The following MARCHF1 variants were observed in gnomAD, a reference collection of about 807,000 sequenced individuals.
MARCHF1 encodes membrane associated ring-CH-type finger 1, also known as E3 ubiquitin-protein ligase MARCHF1.
A neutral mutation model predicts 54.2 loss-of-function variants in MARCHF1; 40 were observed. The ratio of observed to expected loss-of-function variants is 0.74; its 90% CI spans 0.57 to 0.96. The LOEUF (loss-of-function observed/expected upper bound fraction) is 0.96, where lower values mean the gene tolerates loss of function less well. MARCHF1 is among the 40% of genes least tolerant of loss of function. The pLI, the probability that MARCHF1 is intolerant of heterozygous loss-of-function variation, is 0.00. For synonymous variants in MARCHF1, 236 were observed against 236.3 expected, an observed-to-expected ratio of 1.00 and a Z score of 0.01; for missense variants, 586 against 656.5, an observed-to-expected ratio of 0.89 and a Z score of 1.17.
chr4:164,097,123 G>C (rs1755432861), intron 2 of MARCHF1, among the ~76,000 whole-genome samples: 1 of 152,136 alleles, frequency 6.6e-6, no homozygotes, highest in Non-Finnish European at 1.5e-5. Context: ...ACATTATTTA[G>C]TATGTAATGC....
chr4:163,733,219 ATACACGTG>A (rs1161449389), intron 4 of MARCHF1, among the ~76,000 whole-genome samples: 1 of 29,804 alleles, frequency 3.4e-5, no homozygotes, highest in African/African-American at 7.1e-5. Context: ...ATATATATAT[ATACACGTG>A]TATATATATA....
chr4:164,289,590 A>G (rs1223178497), intron 1 of MARCHF1, among the ~76,000 whole-genome samples: 7 of 150,388 alleles, frequency 4.7e-5, no homozygotes, highest in Non-Finnish European at 1.0e-4. Context: ...AGATGGAAAA[A>G]AAAAAAAAAA....
At chr4:163,611,010 A>G (rs1046085116) in intron 7 of MARCHF1, among the ~76,000 whole-genome samples, 1 of 151,872 alleles carries the variant, frequency 6.6e-6, no homozygotes, top group Non-Finnish European at 1.5e-5. Context: ...TTACTTAGAG[A>G]GTTTTTGTCT....
rs1560912677 is a variant in MARCHF1, at chr4:164,118,047, G to GA, written c.-322-6386dup. Among the ~76,000 whole-genome samples, 6 of 151,942 alleles carry GA rather than the reference G, an allele frequency of 3.9e-5. No individual in the cohort carries two copies. The South Asian group carries it at 6.2e-4, about 16-fold the overall frequency. On this transcript the variant is annotated intron_variant, in intron 1 of 9. Transcript: ENST00000514618. Reference sequence around the variant, plus strand: ...GCTCATAATTGTAAGTATAGAAAAAGAAAGTTTAAGCAAAGAGATAAAAAG... The same window carrying GA: ...GCTCATAATTGTAAGTATAGAAAAAGAAAAGTTTAAGCAAAGAGATAAAAAG...
At chr4:164,049,967 A>C (rs1754324446) in intron 2 of MARCHF1, among the ~76,000 whole-genome samples, 1 of 152,158 alleles carries the variant, frequency 6.6e-6, no homozygotes, top group South Asian at 2.1e-4. Context: ...GGGCATCTCA[A>C]GTTTGATATA....
chr4:164,049,641 A>G (rs1049756193), intron 2 of MARCHF1, among the ~76,000 whole-genome samples: 1 of 152,132 alleles, frequency 6.6e-6, no homozygotes, highest in Non-Finnish European at 1.5e-5. Context: ...CCTTTTTCTA[A>G]ATAAAATTGA....
chr4:163,986,526 A>G (rs1000155759), intron 3 of MARCHF1, among the ~76,000 whole-genome samples: 5 of 151,722 alleles, frequency 3.3e-5, no homozygotes, highest in African/African-American at 1.2e-4. Flanking sequence ...CGGCCTCCCA[A>G]AGTGCTGGGA....
intron 1 of MARCHF1, among the ~76,000 whole-genome samples, chr4:164,374,482 A>C (rs1731128803): frequency 6.6e-6 from 1 of 152,128 alleles, no homozygotes; most frequent in African/African-American, 2.4e-5. Context: ...ATGTTTCAAA[A>C]AATTAAAGCC....
At chr4:163,849,115 T>C (rs1749572362) in intron 4 of MARCHF1, among the ~76,000 whole-genome samples, 2 of 152,192 alleles carry the variant, frequency 1.3e-5, no homozygotes, top group African/African-American at 4.8e-5. Context: ...TTCTTCCCCT[T>C]AACCTGAGAA....
At chr4:164,029,195 A>G (rs1223995969) in intron 2 of MARCHF1, among the ~76,000 whole-genome samples, 1 of 152,182 alleles carries the variant, frequency 6.6e-6, no homozygotes, top group Non-Finnish European at 1.5e-5. Flanking sequence ...AAGAGGCTTA[A>G]TTGGCCCACA....
chr4:163,868,778 GT>G (rs1750108776), intron 3 of MARCHF1, among the ~76,000 whole-genome samples: 1 of 151,824 alleles, frequency 6.6e-6, no homozygotes, highest in Non-Finnish European at 1.5e-5. Context: ...AAAAAAAAAT[GT>G]TTTTTGACAC....
intron 3 of MARCHF1, among the ~76,000 whole-genome samples, chr4:163,859,351 T>C (rs918970057): frequency 6.6e-6 from 1 of 151,384 alleles, no homozygotes; most frequent in Non-Finnish European, 1.5e-5. Context: ...ATTGAGGCAG[T>C]GCAGAGAGAA....
At chr4:163,940,374 T>A (rs1751887614) in intron 3 of MARCHF1, among the ~76,000 whole-genome samples, 1 of 152,156 alleles carries the variant, frequency 6.6e-6, no homozygotes, top group Admixed American at 6.6e-5. Flanking sequence ...GATATATACA[T>A]GTATATATTT....
chr4:164,275,431 A>G (rs1733854387), intron 1 of MARCHF1, among the ~76,000 whole-genome samples: 1 of 152,088 alleles, frequency 6.6e-6, no homozygotes, highest in African/African-American at 2.4e-5. Flanking sequence ...TTTTTATTCT[A>G]CTCTGACATT....
intron 1 of MARCHF1, among the ~76,000 whole-genome samples, chr4:164,168,926 A>G (rs757838479): frequency 1.6e-4 from 24 of 152,130 alleles, no homozygotes; most frequent in Non-Finnish European, 5.9e-5. Flanking sequence ...AGTGGCTACC[A>G]TTACCACAGG....
At chr4:163,702,241 T>C (rs1744832048) in intron 4 of MARCHF1, among the ~76,000 whole-genome samples, 1 of 152,204 alleles carries the variant, frequency 6.6e-6, no homozygotes, top group South Asian at 2.1e-4. Context: ...TGGAGATTAA[T>C]GTATATGCTA....
chr4:164,105,354 G>T (rs1755668085), intron 2 of MARCHF1, among the ~76,000 whole-genome samples: 1 of 148,498 alleles, frequency 6.7e-6, no homozygotes, highest in Non-Finnish European at 1.5e-5. Flanking sequence ...CACACTACCT[G>T]ACTTCAAACT....
chr4:163,860,892 G>T (rs777267574), intron 3 of MARCHF1, among the ~76,000 whole-genome samples: 3 of 152,126 alleles, frequency 2.0e-5, no homozygotes, highest in Admixed American at 1.3e-4. Flanking sequence ...ACTGCCTGAT[G>T]TATCATGTTT....
At chr4:164,134,462 A>G (rs1396558310) in intron 1 of MARCHF1, among the ~76,000 whole-genome samples, 1 of 152,224 alleles carries the variant, frequency 6.6e-6, no homozygotes, top group African/African-American at 2.4e-5. Context: ...CTAAGTCATT[A>G]TCTGGTGGTA....
Sources: gnomAD v4.1 joint callset for allele counts (sites outside exome capture counted in the v4.1 genomes callset) on GRCh38, gnomAD v4.1.1 for gene constraint, MANE v1.5 for transcripts, NCBI Gene and HGNC (gene_info 2026-07-23, HGNC 2026-07-21) for gene names.